SEC14L2: variants seen among roughly 807,000 people sequenced by gnomAD.
The protein encoded by SEC14L2 is SEC14-like protein 2.
A neutral mutation model predicts 56.9 loss-of-function variants in SEC14L2; 50 were observed. The ratio of observed to expected loss-of-function variants is 0.88; its 90% CI spans 0.70 to 1.11. SEC14L2 has a LOEUF of 1.11. Among genes scored for constraint, SEC14L2 ranks in the 50% most tolerant of loss-of-function variants. The probability of loss-of-function intolerance (pLI) is 0.00; values close to 1 mark genes in which losing one functional copy is unlikely to be tolerated. For missense variants in SEC14L2, 414 were observed against 500.7 expected, an observed-to-expected ratio of 0.83 and a Z score of 1.65; for synonymous variants, 179 against 188.5, an observed-to-expected ratio of 0.95 and a Z score of 0.41.
chr22:30,408,001 A>G (rs746526048), intron 5 of SEC14L2, among the ~76,000 whole-genome samples: 2 of 152,120 alleles, frequency 1.3e-5, no homozygotes, highest in Admixed American at 6.5e-5. Context: ...ACCCAAAACT[A>G]TAAGAATGGC....
intron 8 of SEC14L2, among the ~76,000 whole-genome samples, chr22:30,414,014 A>T (rs554954316): frequency 6.6e-6 from 1 of 152,002 alleles, no homozygotes; most frequent in Non-Finnish European, 1.5e-5. Flanking sequence ...TATTTTTGGT[A>T]GAGACGGGAG....
At chr22:30,402,234 G>C (rs574366939) in intron 2 of SEC14L2, among the ~76,000 whole-genome samples, 2 of 152,330 alleles carry the variant, frequency 1.3e-5, no homozygotes, top group Admixed American at 6.5e-5. Flanking sequence ...GGTGGGTGGA[G>C]AGAGTGGGAA....
At position 30,422,286 on chromosome 22, in the gene SEC14L2, G is replaced by A. The variant is rs749547646; in HGVS notation, c.1091G>A (p.Arg364Gln). The stretch of plus-strand genomic sequence containing the variant: ...TTCTGCCTTCCCTCAGATGTCCTGC[G>A]GTTTGACAACACCTACAGCTTCATT... ...TCSDPGIYVL[R>Q]FDNTYSFIHA... Residue 364 changes from arginine to glutamine, a missense_variant, in exon 12 of 12, where the codon CGG (arginine) becomes CAG (glutamine). Transcript: ENST00000615189. 6 of 1,614,082 alleles carry A rather than the reference G, an allele frequency of 3.7e-6. No individual in the cohort carries two copies. Among genetic ancestry groups the A allele is most frequent in the South Asian group, 1.1e-5 (1 of 91,078 alleles).
intron 8 of SEC14L2, among the ~76,000 whole-genome samples, chr22:30,412,470 C>T (rs532796479): frequency 5.0e-4 from 76 of 151,682 alleles, no homozygotes; most frequent in Non-Finnish European, 9.4e-4. Flanking sequence ...GTGTTGCAAG[C>T]CTGAATCGGG....
rs564457069 is a variant in SEC14L2 at position 30,397,042 on chromosome 22, G to A, written c.-75G>A. 406 of 1,342,860 alleles carry A rather than the reference G, an allele frequency of 3.0e-4. No individual in the cohort carries two copies. Among genetic ancestry groups the A allele is most frequent in the Non-Finnish European group, 3.9e-4 (376 of 962,374 alleles). 83.2% of individuals were successfully genotyped at this position (1,342,860 alleles called of 1,614,324 possible). On this transcript the variant is annotated 5_prime_UTR_variant, in exon 1 of 12. Coordinates refer to ENST00000615189, the MANE Select transcript of SEC14L2 (RefSeq NM_012429.5). The stretch of plus-strand genomic sequence containing the variant: ...GGACTTTACTCCGGGTGGCGGCGAG[G>A]ACGAGTCTGTGCTCCATCAGCTGCC...
chr22:30,415,438 G>C (rs1378604350), intron 8 of SEC14L2, among the ~76,000 whole-genome samples: 1 of 152,144 alleles, frequency 6.6e-6, no homozygotes, highest in Non-Finnish European at 1.5e-5. Context: ...GTCTCAAACA[G>C]AAAAGCCTTC....
chr22:30,421,642 C>G (rs2299830), intron 11 of SEC14L2: 122,114 of 152,162 alleles, frequency 0.8, 49,471 homozygotes, highest in East Asian at 0.9. Flanking sequence ...TCCTGGTTCA[C>G]AAAGTTTGCA....
chr22:30,404,030 G>GAAAAAAAA (rs5844905), intron 2 of SEC14L2, among the ~76,000 whole-genome samples: 1 of 87,618 alleles, frequency 1.1e-5, no homozygotes, highest in African/African-American at 4.9e-5. Flanking sequence ...AAAAAAAAAA[G>GAAAAAAAA]AAAAAAAAAA....
chr22:30,399,139 T>C (rs927020831), intron 1 of SEC14L2, among the ~76,000 whole-genome samples: 2 of 152,062 alleles, frequency 1.3e-5, no homozygotes, highest in African/African-American at 2.4e-5. Flanking sequence ...CTTCCTGCCC[T>C]GCAACCTGGC....
intron 8 of SEC14L2, among the ~76,000 whole-genome samples, chr22:30,412,675 T>C (rs1934280730): frequency 6.6e-6 from 1 of 151,522 alleles, no homozygotes. Context: ...AATACAAAAA[T>C]TAGCCAGGTT....
At chr22:30,416,663 G>C in intron 11 of SEC14L2, 1 of 1,425,768 alleles carries the variant, frequency 7.0e-7, no homozygotes, top group Admixed American at 2.9e-5. Flanking sequence ...CGATCACAGG[G>C]GTTCAACACG....
chr22:30,411,551 G>A (rs1555997813), intron 8 of SEC14L2, among the ~76,000 whole-genome samples: 1 of 151,936 alleles, frequency 6.6e-6, no homozygotes, highest in Non-Finnish European at 1.5e-5. Context: ...TTCGAGACCA[G>A]CCTGGCCAAC....
chr22:30,400,455 G>A (rs913594363), intron 2 of SEC14L2: 1 of 152,170 alleles, frequency 6.6e-6, no homozygotes, highest in Non-Finnish European at 1.5e-5. Flanking sequence ...AATTCAGCCT[G>A]GTGCCCCAAT....
rs1308605333 is a variant in SEC14L2 at position 30,415,965 on chromosome 22, C to T, written c.789C>T (p.Asp263=). ...GCTTCTAGATCAACTACGGGGGTGA[C>T]ATCCCCAGGAAGTATTATGTGCGAG... ...KCKSKINYGG[D]IPRKYYVRDQ... is the part of the protein sequence containing the mutation. Residue 263 remains aspartate, a synonymous_variant, in exon 10 of 12, where the codon GAC becomes GAT. Coordinates refer to ENST00000615189, the MANE Select transcript of SEC14L2 (RefSeq NM_012429.5). 6.2e-7 allele frequency: 1 copy of T among 1,614,066 alleles called. No individual in the cohort carries two copies. The highest frequency in any genetic ancestry group is 8.5e-7 in the Non-Finnish European group (1 of 1,180,028).
chr22:30,414,202 C>T (rs1325060598), intron 8 of SEC14L2, among the ~76,000 whole-genome samples: 1 of 152,222 alleles, frequency 6.6e-6, no homozygotes, highest in Non-Finnish European at 1.5e-5. Flanking sequence ...CTTATCCCAA[C>T]TCTCCAGCTG....
At chr22:30,411,761 A>AAAAAAAAAAAAAAAAAAAAAG (rs1555997934) in intron 8 of SEC14L2, among the ~76,000 whole-genome samples, 1 of 142,720 alleles carries the variant, frequency 7.0e-6, no homozygotes, top group African/African-American at 2.7e-5. Flanking sequence ...AAAAAAAAAA[A>AAAAAAAAAAAAAAAAAAAAAG]GGGGTCCCTT....
rs146222556 is a variant in SEC14L2, at chr22:30,422,924, T to C, written c.*517T>C. ...CTGAGGCTGGGGTAGCTTTTGGCTTTTCCCAGGTCTCAGGAGGTGGCCTGA... is the reference window on the plus strand; with the variant it reads ...CTGAGGCTGGGGTAGCTTTTGGCTTCTCCCAGGTCTCAGGAGGTGGCCTGA... On this transcript the variant is annotated 3_prime_UTR_variant, in exon 12 of 12. Coordinates refer to ENST00000615189, the MANE Select transcript of SEC14L2 (RefSeq NM_012429.5). 2,350 of 153,366 alleles carry C rather than the reference T, an allele frequency of 0.015. 43 individuals carry two copies. The highest frequency in any genetic ancestry group is 0.037 in the Middle Eastern group (11 of 296). The allele number at this position is 153,366 out of a possible 1,614,324, so 9.5% of individuals were successfully genotyped here.
Position 30,416,071 on chromosome 22 carries a change from C to T in SEC14L2, c.895C>T (p.Pro299Ser). ...CCAAGTGGAGTATGAGATCCTCTTC[C>T]CTGGCTGTGTCCTCAGGTAGGGGCC... is the stretch of plus-strand genomic sequence containing the variant. ...SHQVEYEILF[P>S]GCVLRWQFMS... The change falls in exon 10 of 12, where the codon CCT (proline) becomes TCT (serine). Residue 299 changes from proline (P) to serine (S), a missense_variant. Physicochemically the swap from Pro to Ser is moderately conservative, Grantham distance 74. Coordinates refer to ENST00000615189, the MANE Select transcript of SEC14L2 (RefSeq NM_012429.5). 6.2e-7 allele frequency: 1 copy of T among 1,614,234 alleles called. No individual in the cohort carries two copies. The highest frequency in any genetic ancestry group is 8.5e-7 in the Non-Finnish European group (1 of 1,180,038).
At chr22:30,418,905 C>T (rs575479721) in intron 11 of SEC14L2, among the ~76,000 whole-genome samples, 2 of 152,332 alleles carry the variant, frequency 1.3e-5, no homozygotes, top group East Asian at 3.9e-4. Context: ...ATTAACCTTC[C>T]CCAGGCTTCT....
Sources: gnomAD v4.1 joint callset for allele counts (sites outside exome capture counted in the v4.1 genomes callset) on GRCh38, gnomAD v4.1.1 for gene constraint, MANE v1.5 for transcripts, NCBI Gene and HGNC (gene_info 2026-07-23, HGNC 2026-07-21) for gene names.